MARCHF10: variants seen among roughly 807,000 people sequenced by gnomAD.
MARCHF10 encodes the protein probable E3 ubiquitin-protein ligase MARCHF10.
Under a neutral mutation model 76.2 loss-of-function variants are expected in MARCHF10, and 64 were observed. The observed-to-expected ratio is 0.84, with a 90% CI of 0.69 to 1.03. MARCHF10 has a LOEUF of 1.03. MARCHF10 is among the 50% of genes least tolerant of loss of function. The probability of loss-of-function intolerance (pLI) is 0.00; values close to 1 mark genes in which losing one functional copy is unlikely to be tolerated. For missense variants in MARCHF10, 875 were observed against 958.0 expected (o/e 0.91, Z 1.14); for synonymous variants, 340 against 357.5 (o/e 0.95, Z 0.55).
intron 8 of MARCHF10, among the ~76,000 whole-genome samples, chr17:62,713,021 A>G (rs1348192766): frequency 6.6e-6 from 1 of 152,218 alleles, no homozygotes. Context: ...CTGGGATTAC[A>G]GGTGTAAGCC....
At chr17:62,762,403 G>T (rs1435739916) in intron 3 of MARCHF10, among the ~76,000 whole-genome samples, 1 of 152,158 alleles carries the variant, frequency 6.6e-6, no homozygotes, top group East Asian at 1.9e-4. Flanking sequence ...TAAACCGAAG[G>T]TACAATGGCA....
At chr17:62,778,657 T>G (rs9906388) in intron 3 of MARCHF10, among the ~76,000 whole-genome samples, 13,245 of 132,428 alleles carry the variant, frequency 0.1, 2,053 homozygotes, top group African/African-American at 0.35. Flanking sequence ...CACTCCAGCC[T>G]GGGTGAGAGA....
chr17:62,704,092 G>C (rs572536277), intron 10 of MARCHF10, among the ~76,000 whole-genome samples: 1 of 151,804 alleles, frequency 6.6e-6, no homozygotes, highest in African/African-American at 2.4e-5. Flanking sequence ...CTGTCCTCCC[G>C]GCCGCGGCTG....
chr17:62,717,282 A>G (rs2090257799), intron 8 of MARCHF10, among the ~76,000 whole-genome samples: 1 of 152,240 alleles, frequency 6.6e-6, no homozygotes, highest in Non-Finnish European at 1.5e-5. Flanking sequence ...GCAGCCGCCC[A>G]TGCTATGACC....
At chr17:62,764,361 C>T (rs374397900) in intron 3 of MARCHF10, among the ~76,000 whole-genome samples, 2 of 152,120 alleles carry the variant, frequency 1.3e-5, no homozygotes, top group African/African-American at 2.4e-5. Flanking sequence ...TGTACCGAAC[C>T]CATCTTTGCC....
intron 6 of MARCHF10, among the ~76,000 whole-genome samples, chr17:62,729,898 A>T (rs1252709786): frequency 6.6e-6 from 1 of 152,146 alleles, no homozygotes; most frequent in Non-Finnish European, 1.5e-5. Context: ...AAAAACCATA[A>T]ATCAGCCGGG....
chr17:62,799,069 A>AGG (rs1404991857), intron 2 of MARCHF10, among the ~76,000 whole-genome samples: 1 of 152,088 alleles, frequency 6.6e-6, no homozygotes, highest in Non-Finnish European at 1.5e-5. Flanking sequence ...GAAACTATGG[A>AGG]GGTTGGAGGT....
intron 6 of MARCHF10, among the ~76,000 whole-genome samples, chr17:62,728,984 G>A (rs966143798): frequency 3.9e-5 from 6 of 152,134 alleles, no homozygotes; most frequent in South Asian, 4.1e-4. Flanking sequence ...TGTCCAGGCC[G>A]GAGTGCAGTG....
chr17:62,799,107 GTGA>G (rs912706825), intron 2 of MARCHF10, among the ~76,000 whole-genome samples: 2 of 152,198 alleles, frequency 1.3e-5, no homozygotes, highest in African/African-American at 4.8e-5. Flanking sequence ...GTTTAAAATC[GTGA>G]TGATAACAGA....
At chr17:62,750,691 T>A (rs547337891) in intron 4 of MARCHF10, among the ~76,000 whole-genome samples, 1 of 152,324 alleles carries the variant, frequency 6.6e-6, no homozygotes, top group East Asian at 1.9e-4. Context: ...GGCCTAGATC[T>A]CAGCGTCACT....
intron 3 of MARCHF10, among the ~76,000 whole-genome samples, chr17:62,764,613 A>T (rs961899384): frequency 2.6e-4 from 11 of 41,534 alleles, no homozygotes; most frequent in African/African-American, 4.5e-4. Flanking sequence ...TGCCACCTTC[A>T]AGAGCACTGT....
intron 3 of MARCHF10, among the ~76,000 whole-genome samples, chr17:62,770,599 T>G (rs970701151): frequency 6.7e-6 from 1 of 149,368 alleles, no homozygotes; most frequent in Non-Finnish European, 1.5e-5. Context: ...TGGAGTGCAG[T>G]GCACGATCTT....
intron 3 of MARCHF10, among the ~76,000 whole-genome samples, chr17:62,788,185 G>T (rs1465559106): frequency 6.6e-6 from 1 of 152,110 alleles, no homozygotes; most frequent in East Asian, 1.9e-4. Flanking sequence ...TTCTCATCTG[G>T]ATGGTGTCCC....
chr17:62,719,923 T>G (rs865994515), intron 8 of MARCHF10, among the ~76,000 whole-genome samples: 5 of 152,358 alleles, frequency 3.3e-5, no homozygotes, highest in Middle Eastern at 3.4e-3. Flanking sequence ...TGGGATATGC[T>G]CAACTCAAAG....
chr17:62,754,218 A>G (rs2091977419), intron 4 of MARCHF10, among the ~76,000 whole-genome samples: 1 of 152,220 alleles, frequency 6.6e-6, no homozygotes, highest in African/African-American at 2.4e-5. Context: ...GATTACAGGC[A>G]TATGCCACCA....
chr17:62,737,482 G>T (rs2147816825), intron 5 of MARCHF10, 150 bp from the exon 6 acceptor site: 1 of 718,534 alleles, frequency 1.4e-6, no homozygotes, highest in Middle Eastern at 4.0e-4. Flanking sequence ...AGGTACAAGA[G>T]GAGCAGAGCC....
chr17:62,769,420 G>C (rs1335760937), intron 3 of MARCHF10, among the ~76,000 whole-genome samples: 1 of 151,754 alleles, frequency 6.6e-6, no homozygotes, highest in East Asian at 1.9e-4. Flanking sequence ...ACATTTGTTT[G>C]TTTGTTTGTT....
intron 5 of MARCHF10, among the ~76,000 whole-genome samples, chr17:62,741,979 T>C (rs1165885658): frequency 6.6e-6 from 1 of 151,990 alleles, no homozygotes; most frequent in East Asian, 1.9e-4. Context: ...ATTACAGGCA[T>C]GAGCCACCGC....
intron 6 of MARCHF10, chr17:62,726,058 A>G (rs2090742713): frequency 6.6e-6 from 1 of 152,254 alleles, no homozygotes; most frequent in African/African-American, 2.4e-5. Context: ...CCTGGACACA[A>G]TCTCCCGAAT....
Sources: gnomAD v4.1 joint callset for allele counts (sites outside exome capture counted in the v4.1 genomes callset) on GRCh38, gnomAD v4.1.1 for gene constraint, MANE v1.5 for transcripts, NCBI Gene and HGNC (gene_info 2026-07-23, HGNC 2026-07-21) for gene names.